The following CUL5 variants were observed in gnomAD, a reference collection of about 807,000 sequenced individuals.
The protein encoded by CUL5 is cullin 5.
CUL5 carries 26 observed loss-of-function variants against 108.8 expected under a neutral mutation model. The observed-to-expected ratio is 0.24, with a 90% CI of 0.18 to 0.33. The LOEUF (loss-of-function observed/expected upper bound fraction) is 0.33, where lower values mean the gene tolerates loss of function less well. Among genes scored for constraint, CUL5 ranks in the 10% least tolerant of loss-of-function variants. The pLI is 1.00. For missense variants in CUL5, 524 were observed against 909.2 expected, an observed-to-expected ratio of 0.58 and a Z score of 5.45; for synonymous variants, 334 against 298.0, an observed-to-expected ratio of 1.12 and a Z score of -1.25.
intron 1 of CUL5, among the ~76,000 whole-genome samples, chr11:108,017,629 C>T (rs956727026): frequency 3.3e-5 from 5 of 151,316 alleles, no homozygotes; most frequent in Non-Finnish European, 7.4e-5. Context: ...GTGGGAAGAT[C>T]GCTTGAGCCC....
chr11:108,088,484 CATTA>C, intron 11 of CUL5, 39 bp from the exon 12 acceptor site: 1 of 1,552,534 alleles, frequency 6.4e-7, no homozygotes, highest in Non-Finnish European at 8.7e-7. Flanking sequence ...TAATTGCAAA[CATTA>C]ATCATTTTTC....
chr11:108,041,144 C>G (rs968479618), intron 2 of CUL5, among the ~76,000 whole-genome samples: 3 of 152,218 alleles, frequency 2.0e-5, no homozygotes, highest in Non-Finnish European at 2.9e-5. Flanking sequence ...CTGATTCTTA[C>G]TGCTCAAGCT....
chr11:108,047,368 T>C (rs911964954), intron 3 of CUL5, among the ~76,000 whole-genome samples: 3 of 152,164 alleles, frequency 2.0e-5, no homozygotes, highest in Non-Finnish European at 4.4e-5. Context: ...AAGGCTAGGC[T>C]AGAATTTCTT....
chr11:108,050,240 C>T (rs1257568248), intron 4 of CUL5, among the ~76,000 whole-genome samples, 174 bp downstream of exon 4: 1 of 151,948 alleles, frequency 6.6e-6, no homozygotes, highest in Non-Finnish European at 1.5e-5. Flanking sequence ...TAGCTTCAAT[C>T]TTCTTTCATC....
At chr11:108,030,172 G>A (rs1862544034) in intron 1 of CUL5, among the ~76,000 whole-genome samples, 2 of 152,190 alleles carry the variant, frequency 1.3e-5, no homozygotes, top group South Asian at 4.1e-4. Context: ...ATATGCCGCA[G>A]CATCACAATT....
chr11:108,086,945 C>CA (rs904141154), intron 11 of CUL5, among the ~76,000 whole-genome samples: 1 of 152,136 alleles, frequency 6.6e-6, no homozygotes, highest in African/African-American at 2.4e-5. Flanking sequence ...TTGATGTTAG[C>CA]TATTATTTTT....
At chr11:108,072,205 A>G (rs934123429) in intron 8 of CUL5, 127 bp from the exon 9 acceptor site, 3 of 720,328 alleles carry the variant, frequency 4.2e-6, no homozygotes, top group Admixed American at 3.7e-5. Flanking sequence ...CAACAAAAAA[A>G]CGAACAACTA....
intron 8 of CUL5, 132 bp from the exon 9 acceptor site, chr11:108,072,200 A>G (rs761615310): frequency 2.9e-4 from 206 of 710,184 alleles, no homozygotes; most frequent in Non-Finnish European, 4.0e-4. Flanking sequence ...AACAACAACA[A>G]AAAAACGAAC....
intron 1 of CUL5, among the ~76,000 whole-genome samples, chr11:108,015,235 A>T (rs1205604728): frequency 6.6e-6 from 1 of 152,106 alleles, no homozygotes; most frequent in East Asian, 1.9e-4. Flanking sequence ...GCCTCTGAGG[A>T]GATAATAGTT....
chr11:108,018,757 C>A (rs1230987889), intron 1 of CUL5, among the ~76,000 whole-genome samples: 2 of 152,086 alleles, frequency 1.3e-5, no homozygotes, highest in Non-Finnish European at 2.9e-5. Context: ...AGCCACCTCA[C>A]TTTTGTTGAG....
chr11:108,089,492 C>T lies in CUL5; in HGVS notation c.1312C>T (p.Leu438Phe). The change falls in exon 13 of 19, where the codon CTC becomes TTC. Residue 438 changes from leucine to phenylalanine, a missense_variant and splice_region_variant. Physicochemically the swap from Leu to Phe is conservative, Grantham distance 22. Coordinates refer to ENST00000393094, the MANE Select transcript of CUL5 (RefSeq NM_003478.6). Reference protein sequence around the residue: ...EEIEAKLKEVLLVLKYVQNKD... With the variant: ...EEIEAKLKEVFLVLKYVQNKD... ...GAAAGTAACTTTATTTTTCATACAG[C>T]TCTTGGTACTTAAGTATGTACAGAA... 3 of 1,540,730 alleles carry T rather than the reference C, an allele frequency of 1.9e-6. No individual in the cohort carries two copies.
At chr11:108,051,365 C>T (rs891232678) in intron 4 of CUL5, among the ~76,000 whole-genome samples, 1 of 152,172 alleles carries the variant, frequency 6.6e-6, no homozygotes, top group Non-Finnish European at 1.5e-5. Flanking sequence ...ATTCAAATCT[C>T]AGTGTTGCCA....
chr11:108,022,938 G>GA (rs1862361721), intron 1 of CUL5, among the ~76,000 whole-genome samples: 2 of 152,234 alleles, frequency 1.3e-5, no homozygotes, highest in Middle Eastern at 3.4e-3. Context: ...AGCCTTTCTT[G>GA]GATATACATA....
Position 108,033,870 on chromosome 11 carries a change from C to T in CUL5, c.93C>T (p.Arg31=), listed in dbSNP as rs1862657587. 6.2e-7 allele frequency: 1 copy of T among 1,612,950 alleles called. No individual in the cohort carries two copies. Among genetic ancestry groups the T allele is most frequent in the African/African-American group, 1.3e-5 (1 of 74,906 alleles). Reference sequence around the variant, plus strand: ...GCCCGATTGTTTTGAAGCTTTTACGCCAGGAATCTGTTACAAAACAGCAGT... The same window carrying T: ...GCCCGATTGTTTTGAAGCTTTTACGTCAGGAATCTGTTACAAAACAGCAGT... ...FMRPIVLKLL[R]QESVTKQQWF... is the part of the protein sequence containing the mutation. Residue 31 remains arginine, a synonymous_variant, in exon 2 of 19, where the codon CGC becomes CGT. Coordinates refer to ENST00000393094, the MANE Select transcript of CUL5 (RefSeq NM_003478.6).
chr11:108,055,842 G>T (rs1481544120), intron 7 of CUL5, among the ~76,000 whole-genome samples: 2 of 152,162 alleles, frequency 1.3e-5, no homozygotes, highest in Admixed American at 1.3e-4. Context: ...TGCTGCCCAG[G>T]CTGATCTTGA....
chr11:108,058,675 T>C (rs1591305138), intron 7 of CUL5, among the ~76,000 whole-genome samples: 2 of 152,026 alleles, frequency 1.3e-5, no homozygotes, highest in Admixed American at 1.3e-4. Flanking sequence ...GGGAATGATA[T>C]TGGAGTTAAG....
intron 9 of CUL5, among the ~76,000 whole-genome samples, chr11:108,073,039 A>G (rs1031841195): frequency 6.6e-6 from 1 of 151,972 alleles, no homozygotes; most frequent in Non-Finnish European, 1.5e-5. Context: ...CTCTCTACTA[A>G]AAATACAAAA....
At position 108,097,628 on chromosome 11, in the gene CUL5, C is replaced by T; in HGVS notation, c.1906-8C>T. On this transcript the variant is annotated splice_region_variant and splice_polypyrimidine_tract_variant and intron_variant, in intron 16 of 18. Transcript: ENST00000393094. Reference sequence around the variant, plus strand: ...AGATGCTAATTGTTTTCTCCTTATTCTTCATAGTCTTTAGTAGCTTTCCCA... The same window carrying T: ...AGATGCTAATTGTTTTCTCCTTATTTTTCATAGTCTTTAGTAGCTTTCCCA... 1 of 1,521,056 alleles carries T rather than the reference C, an allele frequency of 6.6e-7. No homozygotes were observed. Among genetic ancestry groups the T allele is most frequent in the Non-Finnish European group, 9.1e-7 (1 of 1,096,620 alleles). 94.2% of individuals were successfully genotyped at this position (1,521,056 alleles called of 1,614,324 possible).
At chr11:108,034,067 A>G (rs1002606999) in intron 2 of CUL5, among the ~76,000 whole-genome samples, 156 bp downstream of exon 2, 2 of 152,124 alleles carry the variant, frequency 1.3e-5, no homozygotes, top group Non-Finnish European at 2.9e-5. Context: ...CCCAGGTATG[A>G]TGATTTGCTA....
Sources: allele counts gnomAD v4.1 joint callset (sites outside exome capture counted in the v4.1 genomes callset), GRCh38; gene constraint gnomAD v4.1.1; transcripts MANE v1.5; gene names NCBI Gene and HGNC (gene_info 2026-07-23, HGNC 2026-07-21).